C1orf167: variants seen among roughly 807,000 people sequenced by gnomAD.
The protein encoded by C1orf167 is chromosome 1 open reading frame 167.
A neutral mutation model predicts 176.5 loss-of-function variants in C1orf167; 153 were observed. That is an observed-to-expected ratio of 0.87 (90% CI 0.76 to 0.99). The LOEUF (loss-of-function observed/expected upper bound fraction) is 0.99. C1orf167 is among the 50% of genes least tolerant of loss of function. C1orf167 has a pLI of 0.00. For synonymous variants in C1orf167, 594 were observed against 752.7 expected (o/e 0.79, Z 3.45); for missense variants, 1,490 against 1,817.7 (o/e 0.82, Z 3.28).
chr1:11,774,953 C>T (rs1426751345), intron 8 of C1orf167, among the ~76,000 whole-genome samples: 1 of 152,142 alleles, frequency 6.6e-6, no homozygotes, highest in Non-Finnish European at 1.5e-5. Flanking sequence ...AGGTGACATG[C>T]AATGCATCTT....
chr1:11,772,662 C>T (rs1194067485), intron 8 of C1orf167, among the ~76,000 whole-genome samples: 1 of 152,084 alleles, frequency 6.6e-6, no homozygotes, highest in Non-Finnish European at 1.5e-5. Context: ...ATGCCTAGAA[C>T]ATGCTAGCCC....
Position 11,779,814 on chromosome 1 carries a change from C to G in C1orf167, c.2664C>G (p.Ser888Arg), listed in dbSNP as rs1311832218. 3 of 1,301,888 alleles carry G rather than the reference C, an allele frequency of 2.3e-6. No individual in the cohort carries two copies. Among genetic ancestry groups the G allele is most frequent in the Non-Finnish European group, 3.0e-6 (3 of 988,030 alleles). The allele number at this position is 1,301,888 out of a possible 1,614,324, so 80.6% of individuals were successfully genotyped here. ...QHTRQRRIFL[S>R]WSRWATAQWA... ...CTCCCTTTCCCAGCATCTTCCTCAG[C>G]TGGAGCCGCTGGGCAACAGCCCAAT... Residue 888 changes from serine (S) to arginine (R), a missense_variant, in exon 13 of 21, where the codon AGC becomes AGG. Transcript: ENST00000688073.
chr1:11,775,190 G>C (rs1643252212), intron 8 of C1orf167, among the ~76,000 whole-genome samples: 1 of 152,208 alleles, frequency 6.6e-6, no homozygotes, highest in African/African-American at 2.4e-5. Context: ...TTGGGAGGCT[G>C]ATGCAGGAGA....
chr1:11,784,565 G>A lies in C1orf167; in HGVS notation c.3397G>A (p.Ala1133Thr), dbSNP rs947775662. 7.9e-7 allele frequency: 1 copy of A among 1,267,782 alleles called. No individual in the cohort carries two copies. Among genetic ancestry groups the A allele is most frequent in the Non-Finnish European group, 1.0e-6 (1 of 970,388 alleles). 78.5% of individuals were successfully genotyped at this position (1,267,782 alleles called of 1,614,324 possible). ...HESCRGQVSR[A>T]HASWKPRAWV... ...GTCCTGTCGGGGCCAGGTCAGCCGAGCCCATGCTTCCTGGAAGCCGCGAGC... is the reference window on the plus strand; with the variant it reads ...GTCCTGTCGGGGCCAGGTCAGCCGAACCCATGCTTCCTGGAAGCCGCGAGC... The change falls in exon 15 of 21, where the codon GCC becomes ACC. Residue 1133 changes from alanine to threonine, a missense_variant. Ala to Thr is a moderately conservative substitution (Grantham distance 58). Transcript: ENST00000688073.
chr1:11,783,435 C>CG (rs1643684924), intron 14 of C1orf167, among the ~76,000 whole-genome samples: 1 of 151,964 alleles, frequency 6.6e-6, no homozygotes, highest in Admixed American at 6.6e-5. Flanking sequence ...TTAGTAGAGA[C>CG]GGGGTTTCTC....
intron 15 of C1orf167, 71 bp from the exon 16 acceptor site, chr1:11,785,077 C>A: frequency 8.5e-7 from 1 of 1,179,992 alleles, no homozygotes. Flanking sequence ...TCCCGCAGGG[C>A]ACTGGGGGGG....
chr1:11,766,920 A>G lies in C1orf167; in HGVS notation c.1134A>G (p.Gly378=). The G allele has an allele frequency of 8.2e-7, 1 of 1,220,682 alleles. No homozygotes were observed. Among genetic ancestry groups the G allele is most frequent in the Non-Finnish European group, 1.0e-6 (1 of 953,936 alleles). The allele number at this position is 1,220,682 out of a possible 1,614,324, so 75.6% of individuals were successfully genotyped here. A position where few individuals can be genotyped will look rare whatever the true frequency, so the allele number is the denominator to read the frequency against. ...RGDPSLPRGV[G]SRGTDPCSSA... ...ACCCCAGTCTCCCTCGAGGGGTGGG[A>G]AGCAGGGGGACCGACCCCTGTTCCT... The change falls in exon 3 of 21, where the codon GGA becomes GGG. Residue 378 remains glycine (G), a synonymous_variant. Coordinates refer to ENST00000688073, the MANE Select transcript of C1orf167 (RefSeq NM_001010881.2). The surrounding 1 kb of genome is among the most constrained non-coding windows in gnomAD (Gnocchi z 4.5).
chr1:11,771,069 A>ATTTTTTTTT (rs147195468), intron 6 of C1orf167, among the ~76,000 whole-genome samples: 1 of 47,224 alleles, frequency 2.1e-5, no homozygotes, highest in Non-Finnish European at 3.4e-5. Flanking sequence ...ATATATATAT[A>ATTTTTTTTT]TTTTTTTTTT....
At chr1:11,762,808 G>GAAAC (rs954454844) in intron 1 of C1orf167, among the ~76,000 whole-genome samples, 1 of 152,202 alleles carries the variant, frequency 6.6e-6, no homozygotes, top group Admixed American at 6.5e-5. Context: ...ATCCAGCAGG[G>GAAAC]AAACAAACAA....
intron 6 of C1orf167, among the ~76,000 whole-genome samples, chr1:11,771,272 T>A (rs978686967): frequency 1.3e-5 from 2 of 150,392 alleles, no homozygotes; most frequent in Non-Finnish European, 3.0e-5. Context: ...TTAAATGATA[T>A]TTATTTTAAT....
At chr1:11,782,406 T>G in intron 14 of C1orf167, 73 bp downstream of exon 14, 1 of 1,144,226 alleles carries the variant, frequency 8.7e-7, no homozygotes, top group South Asian at 1.8e-5. Flanking sequence ...ACCCAGGGGG[T>G]GGGAAGCTCA....
chr1:11,782,209 A>C lies in C1orf167; in HGVS notation c.2881A>C (p.Lys961Gln), dbSNP rs1371617767. The change falls in exon 14 of 21, where the codon AAG (lysine) becomes CAG (glutamine). Residue 961 changes from lysine (K) to glutamine (Q), a missense_variant. Coordinates refer to ENST00000688073, the MANE Select transcript of C1orf167 (RefSeq NM_001010881.2). ...CCCAGGGCAGCAGTTCCTGCATGAAAAGTGCCAGACATGGGTGCAGGTCCA... is the reference window on the plus strand; with the variant it reads ...CCCAGGGCAGCAGTTCCTGCATGAACAGTGCCAGACATGGGTGCAGGTCCA... ...CWQGQQFLHEKCQTWVQVHLQ... is the reference protein window; with the variant it reads ...CWQGQQFLHEQCQTWVQVHLQ... The C allele has an allele frequency of 7.7e-7, 1 of 1,291,152 alleles. No homozygotes were observed. Among genetic ancestry groups the C allele is most frequent in the Admixed American group, 2.5e-5 (1 of 40,660 alleles). The allele number at this position is 1,291,152 out of a possible 1,614,324, so 80.0% of individuals were successfully genotyped here.
At chr1:11,767,839 T>C (rs888803948) in intron 4 of C1orf167, among the ~76,000 whole-genome samples, 1 of 151,820 alleles carries the variant, frequency 6.6e-6, no homozygotes, top group African/African-American at 2.4e-5. Flanking sequence ...ATTATATATA[T>C]ATAAAAGAAA....
intron 2 of C1orf167, 88 bp from the exon 3 acceptor site, chr1:11,765,769 C>T (rs1642760158): frequency 8.9e-7 from 1 of 1,129,730 alleles, no homozygotes; most frequent in South Asian, 1.7e-5. Context: ...GGGGCCCTGT[C>T]CCCTCCCTGG....
At chr1:11,786,151 CA>C (rs1250083433) in intron 16 of C1orf167, 1 of 152,176 alleles carries the variant, frequency 6.6e-6, no homozygotes, top group African/African-American at 2.4e-5. Flanking sequence ...AGGCATCGGT[CA>C]GTCCCTCTCC....
In C1orf167 at chr1:11,778,646, T is replaced by C. The variant is rs554728207; in HGVS notation, c.2340-14T>C. On this transcript the variant is annotated splice_polypyrimidine_tract_variant and intron_variant, in intron 10 of 20. Transcript: ENST00000688073. ...GGTGAGGCTGGGTGGGTCACTCACC[T>C]GCCCCTTCTCTAGCTCCTTCTTCCA... 1.3e-4 allele frequency: 167 copies of C among 1,287,378 alleles called. No homozygotes were observed. In the African/African-American group the frequency reaches 2.3e-3, roughly 18 times the overall value. The allele number at this position is 1,287,378 out of a possible 1,614,324, so 79.7% of individuals were successfully genotyped here.
rs1357263658 is a variant in C1orf167 at position 11,784,214 on chromosome 1, G to T, written c.3046G>T (p.Val1016Leu). The change falls in exon 15 of 21, where the codon GTG becomes TTG. Residue 1016 changes from valine (V) to leucine (L), a missense_variant. By Grantham distance (32) the Val-to-Leu change is conservative (BLOSUM62 1). Transcript: ENST00000688073. Reference protein sequence around the residue: ...AWCEVVRDTGVLRAQHQAFQD... With the variant: ...AWCEVVRDTGLLRAQHQAFQD... ...GTGTGAGGTTGTAAGAGACACGGGG[G>T]TGCTCCGGGCCCAGCATCAAGCCTT... is the stretch of plus-strand genomic sequence containing the variant. The T allele has an allele frequency of 1.6e-6, 2 of 1,272,698 alleles. No homozygotes were observed. The highest frequency in any genetic ancestry group is 2.2e-4 in the Middle Eastern group (1 of 4,546). The allele number at this position is 1,272,698 out of a possible 1,614,324, so 78.8% of individuals were successfully genotyped here. A position where few individuals can be genotyped will look rare whatever the true frequency, so the allele number is the denominator to read the frequency against.
chr1:11,765,961 T>G lies in C1orf167; in HGVS notation c.175T>G (p.Ser59Ala), dbSNP rs995277819. 1 of 1,273,922 alleles carries G rather than the reference T, an allele frequency of 7.8e-7. No individual in the cohort carries two copies. The highest frequency in any genetic ancestry group is 2.4e-5 in the Admixed American group (1 of 42,002). 78.9% of individuals were successfully genotyped at this position (1,273,922 alleles called of 1,614,324 possible). A position where few individuals can be genotyped will look rare whatever the true frequency, so the allele number is the denominator to read the frequency against. Residue 59 changes from serine to alanine, a missense_variant, in exon 3 of 21, where the codon TCC becomes GCC. Physicochemically the swap from Ser to Ala is moderately conservative, Grantham distance 99. Coordinates refer to ENST00000688073, the MANE Select transcript of C1orf167 (RefSeq NM_001010881.2). ...VERGGPAATP[S>A]PGAVLDQEPC... ...GAGGGGAGGGCCTGCTGCCACACCC[T>G]CCCCAGGGGCAGTGCTAGACCAGGA...
intron 13 of C1orf167, among the ~76,000 whole-genome samples, chr1:11,781,735 C>T (rs974462905): frequency 2.0e-5 from 3 of 152,018 alleles, no homozygotes; most frequent in Admixed American, 6.6e-5. Context: ...ATGGTGAAAC[C>T]CCGTCTCTAC....
Sources: allele counts gnomAD v4.1 joint callset (sites outside exome capture counted in the v4.1 genomes callset), GRCh38; gene constraint gnomAD v4.1.1; non-coding constraint Gnocchi (gnomAD v3.1); transcripts MANE v1.5; gene names NCBI Gene and HGNC (gene_info 2026-07-23, HGNC 2026-07-21).